Variants in NARS2 observed in about 807,000 individuals in gnomAD.
The protein encoded by NARS2 is asparaginyl-tRNA synthetase.
In NARS2, 60 loss-of-function variants were observed where a neutral mutation model predicts 62.9. The ratio of observed to expected loss-of-function variants is 0.95; its 90% CI spans 0.77 to 1.18. NARS2 has a LOEUF of 1.18. Among genes scored for constraint, NARS2 ranks in the 50% most tolerant of loss-of-function variants. The pLI is 0.00. For missense variants in NARS2, 619 were observed against 576.4 expected, an observed-to-expected ratio of 1.07 and a Z score of -0.76; for synonymous variants, 196 against 200.0, an observed-to-expected ratio of 0.98 and a Z score of 0.17.
At chr11:78,481,536 T>A (rs1859355051) in intron 7 of NARS2, among the ~76,000 whole-genome samples, 1 of 152,178 alleles carries the variant, frequency 6.6e-6, no homozygotes, top group African/African-American at 2.4e-5. Flanking sequence ...TGTTAAATCA[T>A]TGTCTTTCCT....
At chr11:78,570,497 C>G (rs1856886115) in intron 2 of NARS2, among the ~76,000 whole-genome samples, 1 of 152,188 alleles carries the variant, frequency 6.6e-6, no homozygotes, top group South Asian at 2.1e-4. Context: ...AAGAGATGCT[C>G]TAGCCTCAAC....
At chr11:78,498,036 G>T (rs1408040448) in intron 6 of NARS2, among the ~76,000 whole-genome samples, 1 of 152,084 alleles carries the variant, frequency 6.6e-6, no homozygotes, top group East Asian at 1.9e-4. Context: ...AAAGGGGGAG[G>T]AAGGTTAGCT....
chr11:78,491,691 A>G (rs1031190559), intron 7 of NARS2, among the ~76,000 whole-genome samples: 4 of 152,182 alleles, frequency 2.6e-5, no homozygotes, highest in African/African-American at 9.7e-5. Flanking sequence ...CACAGTTCAC[A>G]CTTCCCACTG....
At chr11:78,530,940 CTTTTA>C (rs1312587096) in intron 5 of NARS2, among the ~76,000 whole-genome samples, 3 of 152,036 alleles carry the variant, frequency 2.0e-5, no homozygotes, top group Non-Finnish European at 4.4e-5. Context: ...AATTACTTTT[CTTTTA>C]TATTACAATT....
chr11:78,567,135 C>A (rs988184784), intron 3 of NARS2, among the ~76,000 whole-genome samples: 35 of 152,134 alleles, frequency 2.3e-4, no homozygotes, highest in African/African-American at 8.2e-4. Flanking sequence ...ATGAAGCCAT[C>A]AACACCAACA....
intron 6 of NARS2, among the ~76,000 whole-genome samples, chr11:78,505,024 C>T (rs978323379): frequency 6.6e-6 from 1 of 151,446 alleles, no homozygotes; most frequent in East Asian, 1.9e-4. Context: ...ATAATTCATG[C>T]ACACAGTTCA....
chr11:78,553,812 T>G (rs1212582300), intron 5 of NARS2, among the ~76,000 whole-genome samples: 1 of 152,170 alleles, frequency 6.6e-6, no homozygotes, highest in African/African-American at 2.4e-5. Context: ...ATGTCTGTCA[T>G]GAAATCTCTG....
At chr11:78,521,240 C>T (rs1392802692) in intron 6 of NARS2, among the ~76,000 whole-genome samples, 1 of 151,232 alleles carries the variant, frequency 6.6e-6, no homozygotes, top group African/African-American at 2.4e-5. Context: ...TCACAGCTCA[C>T]TGCAGTCTAC....
At chr11:78,554,651 T>A (rs947911393) in intron 5 of NARS2, among the ~76,000 whole-genome samples, 4 of 152,202 alleles carry the variant, frequency 2.6e-5, no homozygotes, top group Non-Finnish European at 4.4e-5. Context: ...AAGTTATTTA[T>A]CAGCTGAAGG....
intron 6 of NARS2, among the ~76,000 whole-genome samples, chr11:78,518,765 C>A (rs1378774565): frequency 6.6e-6 from 1 of 152,170 alleles, no homozygotes; most frequent in Admixed American, 6.5e-5. Context: ...GATCTGCCCA[C>A]CTCGGCCTCC....
chr11:78,463,267 A>C (rs905945422), intron 11 of NARS2, among the ~76,000 whole-genome samples: 1 of 152,106 alleles, frequency 6.6e-6, no homozygotes, highest in Non-Finnish European at 1.5e-5. Flanking sequence ...CCTATGTTCA[A>C]CAGGCTGGTC....
intron 11 of NARS2, among the ~76,000 whole-genome samples, chr11:78,458,368 T>C (rs1257792013): frequency 6.6e-6 from 1 of 152,194 alleles, no homozygotes. Context: ...TTTTCTTATA[T>C]TACTTGATTT....
intron 5 of NARS2, among the ~76,000 whole-genome samples, chr11:78,536,137 G>A (rs1337394668): frequency 6.6e-6 from 1 of 152,068 alleles, no homozygotes; most frequent in African/African-American, 2.4e-5. Flanking sequence ...CTATTTCCTA[G>A]TGATGTCACA....
intron 10 of NARS2, among the ~76,000 whole-genome samples, chr11:78,468,260 T>C (rs1393089129): frequency 8.9e-6 from 1 of 112,388 alleles, no homozygotes; most frequent in Non-Finnish European, 1.7e-5. Context: ...ACTAAAAGGC[T>C]CCGTAAAGTT....
intron 7 of NARS2, among the ~76,000 whole-genome samples, chr11:78,482,196 A>C (rs7925034): frequency 1.3e-5 from 2 of 151,970 alleles, no homozygotes; most frequent in Non-Finnish European, 2.9e-5. Context: ...ACTACAACCT[A>C]TCTCTCTAAA....
intron 5 of NARS2, among the ~76,000 whole-genome samples, chr11:78,549,851 G>A (rs1445195820): frequency 6.6e-6 from 1 of 152,108 alleles, no homozygotes; most frequent in Non-Finnish European, 1.5e-5. Flanking sequence ...ACACTGGTAG[G>A]GGGTGGGAGG....
chr11:78,533,429 T>C (rs1861553058), intron 5 of NARS2: 1 of 152,256 alleles, frequency 6.6e-6, no homozygotes, highest in South Asian at 2.1e-4. Context: ...TTTCTCTCAT[T>C]TGAAATTTTA....
intron 11 of NARS2, among the ~76,000 whole-genome samples, chr11:78,444,857 A>G (rs1857703753): frequency 6.6e-6 from 1 of 152,226 alleles, no homozygotes; most frequent in Non-Finnish European, 1.5e-5. Context: ...TATAACTGAT[A>G]CAACTTTTCT....
intron 5 of NARS2, among the ~76,000 whole-genome samples, chr11:78,540,676 A>T (rs139063782): frequency 6.6e-6 from 1 of 152,232 alleles, no homozygotes; most frequent in Non-Finnish European, 1.5e-5. Flanking sequence ...GTTTAAAATC[A>T]TAATGGCATG....
Sources: gnomAD v4.1 joint callset for allele counts (sites outside exome capture counted in the v4.1 genomes callset) on GRCh38, gnomAD v4.1.1 for gene constraint, MANE v1.5 for transcripts, NCBI Gene and HGNC (gene_info 2026-07-23, HGNC 2026-07-21) for gene names.